The following FBXW9 variants were observed in gnomAD, a reference collection of about 807,000 sequenced individuals.
FBXW9 encodes F-box/WD repeat-containing protein 9.
FBXW9 carries 38 observed loss-of-function variants against 55.8 expected under a neutral mutation model. That is an observed-to-expected ratio of 0.68 (90% CI 0.53 to 0.89). The LOEUF (loss-of-function observed/expected upper bound fraction) is 0.89. FBXW9 is among the 40% of genes least tolerant of loss of function. FBXW9 has a pLI of 0.00. For missense variants in FBXW9, 590 were observed against 619.4 expected (o/e 0.95, Z 0.50); for synonymous variants, 289 against 278.2 (o/e 1.04, Z -0.38).
chr19:12,690,262 C>G, intron 5 of FBXW9, 152 bp from the exon 6 acceptor site: 2 of 1,339,888 alleles, frequency 1.5e-6, no homozygotes, highest in Non-Finnish European at 2.1e-6. Context: ...TCTCCTCTCC[C>G]GCCTCAGGTA....
At position 12,689,853 on chromosome 19, in the gene FBXW9, T is replaced by C; in HGVS notation, c.1054A>G (p.Met352Val). Residue 352 changes from methionine (M) to valine (V), a missense_variant, in exon 7 of 10, where the codon ATG becomes GTG. Met to Val is a conservative substitution (Grantham distance 21). Coordinates refer to ENST00000393261, the MANE Select transcript of FBXW9 (RefSeq NM_032301.3). This position sits in a 1 kb window ranked among gnomAD's most constrained non-coding sequence, Gnocchi z 5.9. ...CAGAGCTGGGGTTCCTGGTAGGACA[T>C]GCAGAGCAGGTAGGAGTCCAGCTAC... ...RLQLDSYLLC[M>V]SYQEPQLWAG... is the part of the protein sequence containing the mutation. 2 of 1,614,044 alleles carry C rather than the reference T, an allele frequency of 1.2e-6. No individual in the cohort carries two copies. The highest frequency in any genetic ancestry group is 1.7e-6 in the Non-Finnish European group (2 of 1,179,988).
rs1466103730 is a variant in FBXW9, at chr19:12,695,063, G to A, written c.410-125C>T. ...CCAGACTTGGACAGAACCCCATGGAGATCCCTACTCCCACCCCAAGCCGAC... is the reference window on the plus strand; with the variant it reads ...CCAGACTTGGACAGAACCCCATGGAAATCCCTACTCCCACCCCAAGCCGAC... On this transcript the variant is annotated intron_variant, in intron 1 of 9. Transcript: ENST00000393261. 5 of 1,135,832 alleles carry A rather than the reference G, an allele frequency of 4.4e-6. No homozygotes were observed. The Admixed American group carries it at 1.0e-4, about 24-fold the overall frequency. The allele number at this position is 1,135,832 out of a possible 1,614,324, so 70.4% of individuals were successfully genotyped here.
intron 3 of FBXW9, among the ~76,000 whole-genome samples, chr19:12,692,511 C>T (rs1332583583): frequency 1.3e-5 from 2 of 150,594 alleles, no homozygotes; most frequent in Non-Finnish European, 1.5e-5. Context: ...CAGGCGTGAG[C>T]CACTGCATCC....
intron 3 of FBXW9, among the ~76,000 whole-genome samples, chr19:12,692,623 G>A (rs1213660855): frequency 6.6e-6 from 1 of 151,656 alleles, no homozygotes; most frequent in African/African-American, 2.4e-5. Context: ...CCGGGTTCAT[G>A]CCATTCTCCT....
chr19:12,696,555 A>G lies in FBXW9; in HGVS notation c.27T>C (p.Asp9=), dbSNP rs866858302. ...AGTCATCGTCCCAGGTGCGGGAATC[A>G]TCGCACCGCCCTAGGGGAAGCTCCA... The part of the protein sequence containing the change: MELPLGRC[D]DSRTWDDDSD... The change falls in exon 1 of 10, where the codon GAT becomes GAC. Residue 9 remains aspartate (D), a synonymous_variant. Coordinates refer to ENST00000393261, the MANE Select transcript of FBXW9 (RefSeq NM_032301.3). 7 of 1,611,736 alleles carry G rather than the reference A, an allele frequency of 4.3e-6. No homozygotes were observed. The Middle Eastern group carries it at 8.2e-4, about 190-fold the overall frequency.
intron 1 of FBXW9, among the ~76,000 whole-genome samples, chr19:12,695,894 G>A (rs2025064350): frequency 1.3e-5 from 2 of 152,188 alleles, no homozygotes; most frequent in Admixed American, 1.3e-4. Flanking sequence ...CCCCAAGACT[G>A]AGGATATTTG....
At chr19:12,695,837 C>T (rs1177270842) in intron 1 of FBXW9, among the ~76,000 whole-genome samples, 3 of 152,184 alleles carry the variant, frequency 2.0e-5, no homozygotes, top group Non-Finnish European at 1.5e-5. Flanking sequence ...GACTTCAAGT[C>T]CCTGTGTCAA....
chr19:12,690,787 G>A (rs1231012795), intron 5 of FBXW9, among the ~76,000 whole-genome samples: 1 of 152,100 alleles, frequency 6.6e-6, no homozygotes, highest in Non-Finnish European at 1.5e-5. Flanking sequence ...TGGGACTACA[G>A]GTAGGCGCCA....
intron 5 of FBXW9, 99 bp from the exon 6 acceptor site, chr19:12,690,209 A>G: frequency 6.4e-7 from 1 of 1,571,378 alleles, no homozygotes; most frequent in South Asian, 1.1e-5. Flanking sequence ...GTCTGGCAAA[A>G]CCCTCGATCT....
At position 12,689,582 on chromosome 19, in the gene FBXW9, C is replaced by G. The variant is rs144031558; in HGVS notation, c.1195G>C (p.Val399Leu). 16 of 1,613,956 alleles carry G rather than the reference C, an allele frequency of 9.9e-6. No individual in the cohort carries two copies. In the East Asian group the frequency reaches 3.6e-4, roughly 36 times the overall value. ...GTGGATGTGGTGTACAAGGCTCCCA[C>G]GGAGTACTGGATCCCAGTGATGGGA... Reference protein sequence around the residue: ...SFPITGIQYSVGALYTTSTDK... With the variant: ...SFPITGIQYSLGALYTTSTDK... The change falls in exon 8 of 10, where the codon GTG (valine) becomes CTG (leucine). Residue 399 changes from valine (V) to leucine (L), a missense_variant. Physicochemically the swap from Val to Leu is conservative, Grantham distance 32. Coordinates refer to ENST00000393261, the MANE Select transcript of FBXW9 (RefSeq NM_032301.3). This position sits in a 1 kb window ranked among gnomAD's most constrained non-coding sequence, Gnocchi z 5.9.
In FBXW9 at chr19:12,694,580, A is replaced by T. The variant is rs2025050929; in HGVS notation, c.678+14T>A. Reference sequence around the variant, plus strand: ...CTCAGGCCTCATACCTCCTATCCCCACCTGACTCCTCACCTCATGGGTACT... The same window carrying T: ...CTCAGGCCTCATACCTCCTATCCCCTCCTGACTCCTCACCTCATGGGTACT... On this transcript the variant is annotated intron_variant, in intron 3 of 9. Coordinates refer to ENST00000393261, the MANE Select transcript of FBXW9 (RefSeq NM_032301.3). 6.2e-7 allele frequency: 1 copy of T among 1,612,252 alleles called. No homozygotes were observed. Among genetic ancestry groups the T allele is most frequent in the South Asian group, 1.1e-5 (1 of 91,004 alleles).
Position 12,689,368 on chromosome 19 carries a change from T to C in FBXW9, c.1302+4A>G, listed in dbSNP as rs374656236. 140 of 1,614,056 alleles carry C rather than the reference T, an allele frequency of 8.7e-5. No homozygotes were observed. The highest frequency in any genetic ancestry group is 1.1e-4 in the Non-Finnish European group (128 of 1,180,028). On this transcript the variant is annotated splice_donor_region_variant and intron_variant, in intron 9 of 9. Transcript: ENST00000393261. This position sits in a 1 kb window ranked among gnomAD's most constrained non-coding sequence, Gnocchi z 5.9. ...TGGGCAGGGCACATGGGGCAGGACC[T>C]TACCCTATTGAGCCCATTGTCATGC...
intron 1 of FBXW9, among the ~76,000 whole-genome samples, chr19:12,695,176 G>C (rs2025058502): frequency 6.6e-6 from 1 of 152,122 alleles, no homozygotes; most frequent in South Asian, 2.1e-4. Context: ...TTGGGAACTG[G>C]GGTCTCAGAA....
rs199501539 is a variant in FBXW9, at chr19:12,691,432, G to A, written c.701C>T (p.Ala234Val). ...GCCGGAGCACACGCGGTGGTCCTGC[G>A]CTGCCAGTGACCACACCCAGCCCTG... ...THEGWVWSLA[A>V]QDHRVCSGSW... The change falls in exon 4 of 10, where the codon GCG becomes GTG. Residue 234 changes from alanine (A) to valine (V), a missense_variant. Transcript: ENST00000393261. The A allele has an allele frequency of 4.4e-6, 7 of 1,586,900 alleles. No homozygotes were observed. Among genetic ancestry groups the A allele is most frequent in the East Asian group, 2.3e-5 (1 of 42,836 alleles).
intron 1 of FBXW9, among the ~76,000 whole-genome samples, chr19:12,695,502 G>A (rs560007650): frequency 1.3e-5 from 2 of 152,122 alleles, no homozygotes; most frequent in Non-Finnish European, 2.9e-5. Flanking sequence ...CACTGATCCC[G>A]GAGTGATCCT....
chr19:12,689,591 G>A lies in FBXW9; in HGVS notation c.1186C>T (p.Gln396Ter). The A allele has an allele frequency of 6.2e-7, 1 of 1,614,106 alleles. No individual in the cohort carries two copies. The highest frequency in any genetic ancestry group is 8.5e-7 in the Non-Finnish European group (1 of 1,180,004). ...VGHSFPITGI[Q>*]YSVGALYTTS... ...GTGTACAAGGCTCCCACGGAGTACTGGATCCCAGTGATGGGAAAGCTGTGG... is the reference window on the plus strand; with the variant it reads ...GTGTACAAGGCTCCCACGGAGTACTAGATCCCAGTGATGGGAAAGCTGTGG... Residue 396 changes from glutamine (Q) to a stop codon, truncating the protein, a stop_gained, in exon 8 of 10, where the codon CAG becomes TAG. Transcript: ENST00000393261. LOFTEE classifies it high-confidence loss of function. The surrounding 1 kb of genome is among the most constrained non-coding windows in gnomAD (Gnocchi z 5.9).
intron 1 of FBXW9, among the ~76,000 whole-genome samples, chr19:12,695,214 C>G (rs1430443708): frequency 6.6e-6 from 1 of 152,204 alleles, no homozygotes; most frequent in Non-Finnish European, 1.5e-5. Context: ...ATCCCCCAAC[C>G]CAAACTCAGG....
Position 12,696,405 on chromosome 19 carries a change from G to C in FBXW9, c.177C>G (p.Ser59=), listed in dbSNP as rs891038910. The change falls in exon 1 of 10, where the codon TCC becomes TCG. Residue 59 remains serine, a synonymous_variant. Coordinates refer to ENST00000393261, the MANE Select transcript of FBXW9 (RefSeq NM_032301.3). Reference sequence around the variant, plus strand: ...CGGCCCGAGGCTCCGAAGCGCTCGGGGACGCGGCGGGTGTGGATAGCTGCG... The same window carrying C: ...CGGCCCGAGGCTCCGAAGCGCTCGGCGACGCGGCGGGTGTGGATAGCTGCG... ...RPSQLSTPAA[S]PSASEPRAAS... 1.9e-6 allele frequency: 3 copies of C among 1,611,496 alleles called. No homozygotes were observed. Among genetic ancestry groups the C allele is most frequent in the Non-Finnish European group, 2.5e-6 (3 of 1,179,510 alleles).
intron 5 of FBXW9, among the ~76,000 whole-genome samples, 180 bp downstream of exon 5, chr19:12,690,986 C>T (rs1270622894): frequency 6.6e-6 from 1 of 152,192 alleles, no homozygotes; most frequent in African/African-American, 2.4e-5. Flanking sequence ...GCCCCCAGGG[C>T]TGCCCAAGCT....
Sources: gnomAD v4.1 joint callset for allele counts (sites outside exome capture counted in the v4.1 genomes callset) on GRCh38, gnomAD v4.1.1 for gene constraint, Gnocchi (gnomAD v3.1) non-coding constraint, MANE v1.5 for transcripts, NCBI Gene and HGNC (gene_info 2026-07-23, HGNC 2026-07-21) for gene names.